CNTN4: variants seen among roughly 807,000 people sequenced by gnomAD.
CNTN4 encodes contactin 4.
A neutral mutation model predicts 122.5 loss-of-function variants in CNTN4; 77 were observed. The observed-to-expected ratio is 0.63, with a 90% confidence interval of 0.52 to 0.76. CNTN4 has a LOEUF of 0.76. CNTN4 is among the 30% of genes least tolerant of loss of function. The pLI is 0.00. For synonymous variants in CNTN4, 512 were observed against 447.0 expected, an observed-to-expected ratio of 1.15 and a Z score of -1.83; for missense variants, 1,256 against 1,259.1, an observed-to-expected ratio of 1.00 and a Z score of 0.04.
intron 6 of CNTN4, among the ~76,000 whole-genome samples, chr3:2,756,253 C>T (rs1229149023): frequency 6.6e-6 from 1 of 152,124 alleles, no homozygotes; most frequent in African/African-American, 2.4e-5. Flanking sequence ...ATCCTAACCC[C>T]AGTGTGATCA....
intron 4 of CNTN4, among the ~76,000 whole-genome samples, chr3:2,576,036 C>T (rs975906837): frequency 1.6e-4 from 25 of 152,086 alleles, no homozygotes; most frequent in East Asian, 3.9e-4. Flanking sequence ...GGGGTTTCAC[C>T]ATGTTAGCCA....
intron 15 of CNTN4, among the ~76,000 whole-genome samples, chr3:3,030,184 A>G (rs1406948967): frequency 6.6e-6 from 1 of 152,136 alleles, no homozygotes; most frequent in Non-Finnish European, 1.5e-5. Flanking sequence ...CCTCACATTT[A>G]TTAAAAGTAC....
chr3:2,406,591 T>G (rs964093895), intron 3 of CNTN4, among the ~76,000 whole-genome samples: 1 of 152,130 alleles, frequency 6.6e-6, no homozygotes, highest in African/African-American at 2.4e-5. Flanking sequence ...CTGTACTATT[T>G]TTGTAATTTT....
chr3:2,531,637 C>A (rs1224358523), intron 3 of CNTN4, among the ~76,000 whole-genome samples: 1 of 152,114 alleles, frequency 6.6e-6, no homozygotes, highest in Non-Finnish European at 1.5e-5. Context: ...GCCCTTATTC[C>A]ATTAAACAGA....
At chr3:2,819,704 A>C in intron 7 of CNTN4, 123 bp downstream of exon 7, 1 of 808,410 alleles carries the variant, frequency 1.2e-6, no homozygotes, top group Non-Finnish European at 2.1e-6. Flanking sequence ...AAGCCCCTCC[A>C]TGTGGAGGAA....
At chr3:2,763,565 T>C (rs1342097041) in intron 6 of CNTN4, among the ~76,000 whole-genome samples, 2 of 152,226 alleles carry the variant, frequency 1.3e-5, no homozygotes, top group African/African-American at 2.4e-5. Context: ...CCCGTGCCTA[T>C]GTCCTGAATG....
At chr3:2,411,805 G>A (rs915468529) in intron 3 of CNTN4, among the ~76,000 whole-genome samples, 3 of 151,916 alleles carry the variant, frequency 2.0e-5, no homozygotes, top group Admixed American at 6.6e-5. Context: ...GCTGTATTTC[G>A]AAGCATCGTT....
chr3:2,889,809 G>T (rs1171413274), intron 10 of CNTN4, among the ~76,000 whole-genome samples: 1 of 152,046 alleles, frequency 6.6e-6, no homozygotes, highest in Non-Finnish European at 1.5e-5. Context: ...CTGCAACCAG[G>T]GGTCGGCATA....
At chr3:2,602,003 C>T (rs2081067182) in intron 4 of CNTN4, among the ~76,000 whole-genome samples, 1 of 152,144 alleles carries the variant, frequency 6.6e-6, no homozygotes, top group African/African-American at 2.4e-5. Flanking sequence ...ACATGATTAT[C>T]TCAGTAGATG....
chr3:2,561,916 G>C (rs1559237835), intron 3 of CNTN4, among the ~76,000 whole-genome samples: 1 of 152,218 alleles, frequency 6.6e-6, no homozygotes, highest in African/African-American at 2.4e-5. Flanking sequence ...GCAGCAAAGA[G>C]TGCCATAATC....
intron 4 of CNTN4, among the ~76,000 whole-genome samples, chr3:2,604,740 C>G (rs955105712): frequency 6.6e-6 from 1 of 152,078 alleles, no homozygotes; most frequent in Non-Finnish European, 1.5e-5. Flanking sequence ...CTTGATGTGT[C>G]TAGAGATAAG....
At chr3:2,285,355 C>T (rs555561900) in intron 2 of CNTN4, among the ~76,000 whole-genome samples, 18 of 152,092 alleles carry the variant, frequency 1.2e-4, no homozygotes, top group East Asian at 5.8e-4. Flanking sequence ...ATATATTTAA[C>T]GACATTGCAA....
chr3:2,906,524 C>A (rs1018716744), intron 12 of CNTN4, among the ~76,000 whole-genome samples: 1 of 151,654 alleles, frequency 6.6e-6, no homozygotes, highest in East Asian at 1.9e-4. Flanking sequence ...AAGCATATAT[C>A]GGAAAATTTA....
chr3:2,757,842 G>A (rs899449705), intron 6 of CNTN4, among the ~76,000 whole-genome samples: 2 of 152,158 alleles, frequency 1.3e-5, no homozygotes, highest in African/African-American at 4.8e-5. Flanking sequence ...TTTCACCAAA[G>A]ATTAAATTCC....
At chr3:2,754,927 A>T (rs1259726827) in intron 6 of CNTN4, among the ~76,000 whole-genome samples, 3 of 152,276 alleles carry the variant, frequency 2.0e-5, no homozygotes, top group Non-Finnish European at 4.4e-5. Flanking sequence ...GATCTTTCTT[A>T]TGACTACTAC....
At chr3:3,022,727 AT>A (rs537003256) in intron 14 of CNTN4, among the ~76,000 whole-genome samples, 39 of 150,844 alleles carry the variant, frequency 2.6e-4, no homozygotes, top group East Asian at 9.7e-4. Flanking sequence ...AAGTAAAAGA[AT>A]TTTTTTTTTA....
chr3:2,698,283 G>A (rs919976909), intron 4 of CNTN4, among the ~76,000 whole-genome samples: 1 of 152,086 alleles, frequency 6.6e-6, no homozygotes, highest in Admixed American at 6.6e-5. Flanking sequence ...ACACATGGGA[G>A]GCACCTAAAT....
chr3:2,125,519 G>T (rs2034089054), intron 2 of CNTN4, among the ~76,000 whole-genome samples: 1 of 151,214 alleles, frequency 6.6e-6, no homozygotes, highest in Non-Finnish European at 1.5e-5. Context: ...CAATTCCTTT[G>T]GGCACAGATT....
At chr3:2,913,467 G>T (rs2094322801) in intron 12 of CNTN4, among the ~76,000 whole-genome samples, 3 of 152,070 alleles carry the variant, frequency 2.0e-5, no homozygotes, top group South Asian at 4.1e-4. Flanking sequence ...AAGAATAGAG[G>T]AAAATAATCC....
Sources: gnomAD v4.1 joint callset for allele counts (sites outside exome capture counted in the v4.1 genomes callset) on GRCh38, gnomAD v4.1.1 for gene constraint, MANE v1.5 for transcripts, NCBI Gene and HGNC (gene_info 2026-07-23, HGNC 2026-07-21) for gene names.